The following ST8SIA1 variants were observed in gnomAD, a reference collection of about 807,000 sequenced individuals.
ST8SIA1 encodes alpha-N-acetylneuraminide alpha-2,8-sialyltransferase.
ST8SIA1 carries 16 observed loss-of-function variants against 35.9 expected under a neutral mutation model. The ratio of observed to expected loss-of-function variants is 0.45; its 90% CI spans 0.30 to 0.68. The LOEUF is 0.68. Ranked by LOEUF, ST8SIA1 falls within the 30% of genes least tolerant of loss-of-function variation. ST8SIA1 has a pLI of 0.09. For missense variants in ST8SIA1, 383 were observed against 453.6 expected (o/e 0.84, Z 1.41); for synonymous variants, 170 against 169.6 (o/e 1.00, Z -0.02).
At position 22,334,574 on chromosome 12, in the gene ST8SIA1, G is replaced by T. The variant is rs1340207254; in HGVS notation, c.-342C>A. ...GCTCCCGCCGGTTCTGCAGCATCAC[G>T]GTCGCCCTCGGCGAGGGTCCGGGAG... On this transcript the variant is annotated 5_prime_UTR_variant, in exon 1 of 5. Transcript: ENST00000396037. 8.6e-6 allele frequency: 3 copies of T among 349,688 alleles called. No individual in the cohort carries two copies. Among genetic ancestry groups the T allele is most frequent in the South Asian group, 3.4e-5 (1 of 29,248 alleles). 21.7% of individuals were successfully genotyped at this position (349,688 alleles called of 1,614,324 possible). A position where few individuals can be genotyped will look rare whatever the true frequency, so the allele number is the denominator to read the frequency against.
At chr12:22,262,457 G>A (rs1224014686) in intron 2 of ST8SIA1, among the ~76,000 whole-genome samples, 13 of 152,156 alleles carry the variant, frequency 8.5e-5, no homozygotes, top group Admixed American at 7.9e-4. Flanking sequence ...GAACAGCAGA[G>A]CCGGCACTGA....
intron 3 of ST8SIA1, among the ~76,000 whole-genome samples, chr12:22,249,922 G>A (rs772291196): frequency 1.3e-5 from 2 of 152,190 alleles, no homozygotes; most frequent in African/African-American, 4.8e-5. Context: ...TCAGGGCCAT[G>A]TACTATTCAC....
At position 22,309,013 on chromosome 12, in the gene ST8SIA1, T is replaced by C. The variant is rs989717740; in HGVS notation, c.237-21720A>G. Among the ~76,000 whole-genome samples the C allele has an allele frequency of 5.3e-4, 81 of 152,074 alleles. 1 individual carries two copies. Among genetic ancestry groups the C allele is most frequent in the Admixed American group, 2.3e-3 (35 of 15,260 alleles). ...TTCCTTATATCCATCCCAAGAAAAC[T>C]AATATCTCTAAAAGAGATACAAAAG... On this transcript the variant is annotated intron_variant, in intron 1 of 4. Coordinates refer to ENST00000396037, the MANE Select transcript of ST8SIA1 (RefSeq NM_003034.4).
intron 4 of ST8SIA1, among the ~76,000 whole-genome samples, chr12:22,219,746 C>G (rs1431725907): frequency 2.6e-5 from 4 of 151,426 alleles, no homozygotes; most frequent in African/African-American, 9.7e-5. Context: ...CTGGTATGTG[C>G]CTGCCATCTA....
chr12:22,210,988 T>C (rs1001362633), intron 4 of ST8SIA1, among the ~76,000 whole-genome samples: 4 of 152,240 alleles, frequency 2.6e-5, no homozygotes, highest in African/African-American at 7.2e-5. Context: ...CATTTTCTTT[T>C]TTCTGTCCAT....
At chr12:22,266,502 A>AAT (rs34168353) in intron 2 of ST8SIA1, among the ~76,000 whole-genome samples, 14,358 of 150,144 alleles carry the variant, frequency 0.096, 846 homozygotes, top group Middle Eastern at 0.21. Flanking sequence ...TTAAAAAAAA[A>AAT]ATATATATAT....
At chr12:22,311,513 G>A (rs1336346609) in intron 1 of ST8SIA1, among the ~76,000 whole-genome samples, 1 of 152,106 alleles carries the variant, frequency 6.6e-6, no homozygotes, top group Non-Finnish European at 1.5e-5. Context: ...GCAAAATGAG[G>A]AAAATATAGG....
rs573196047 is a variant in ST8SIA1, at chr12:22,217,317, G to A, written c.585-15279C>T. The stretch of plus-strand genomic sequence containing the variant: ...AAAAACAGATATTAATTTATTTTGA[G>A]ACATAATATTAAGTGAAGTATACTC... On this transcript the variant is annotated intron_variant, in intron 4 of 4. Coordinates refer to ENST00000396037, the MANE Select transcript of ST8SIA1 (RefSeq NM_003034.4). Among the ~76,000 whole-genome samples the A allele has an allele frequency of 6.6e-5, 10 of 152,132 alleles. No individual in the cohort carries two copies. The South Asian group carries it at 1.9e-3, about 28-fold the overall frequency.
At chr12:22,244,835 T>C (rs895094294) in intron 4 of ST8SIA1, among the ~76,000 whole-genome samples, 7 of 152,226 alleles carry the variant, frequency 4.6e-5, no homozygotes, top group Non-Finnish European at 1.0e-4. Flanking sequence ...TTTTCCCATG[T>C]GTAATCTAAT....
intron 2 of ST8SIA1, among the ~76,000 whole-genome samples, chr12:22,283,078 C>T (rs1195343342): frequency 6.6e-6 from 1 of 152,076 alleles, no homozygotes; most frequent in East Asian, 1.9e-4. Context: ...AGGCCAAGAA[C>T]GCTGCAGGTC....
Position 22,224,903 on chromosome 12 carries a change from G to A in ST8SIA1, c.585-22865C>T, listed in dbSNP as rs73266000. Among the ~76,000 whole-genome samples, 344 of 152,278 alleles carry A rather than the reference G, an allele frequency of 2.3e-3. 2 individuals carry two copies. Among genetic ancestry groups the A allele is most frequent in the African/African-American group, 7.3e-3 (304 of 41,560 alleles). ...GGATCTTTGTAGATATAATAGTTAA[G>A]TTAAAATGAGGCCACAGCACATTAG... On this transcript the variant is annotated intron_variant, in intron 4 of 4. Coordinates refer to ENST00000396037, the MANE Select transcript of ST8SIA1 (RefSeq NM_003034.4).
chr12:22,217,734 T>C (rs978785428), intron 4 of ST8SIA1, among the ~76,000 whole-genome samples: 2 of 152,208 alleles, frequency 1.3e-5, no homozygotes, highest in African/African-American at 4.8e-5. Flanking sequence ...TTCATCATCA[T>C]CATCACCACA....
At chr12:22,285,300 C>A (rs56335582) in intron 2 of ST8SIA1, among the ~76,000 whole-genome samples, 4,904 of 152,286 alleles carry the variant, frequency 0.032, 287 homozygotes, top group African/African-American at 0.11. Context: ...TGGGGCTTCC[C>A]AGTCCCTAGA....
chr12:22,237,211 G>A (rs1376435354), intron 4 of ST8SIA1, among the ~76,000 whole-genome samples: 3 of 152,114 alleles, frequency 2.0e-5, no homozygotes, highest in African/African-American at 7.2e-5. Context: ...TAATCCTCCT[G>A]TGTCAGCTTC....
rs6487294 is a variant in ST8SIA1 at position 22,195,566 on chromosome 12, A to T, written c.*5986T>A. On this transcript the variant is annotated 3_prime_UTR_variant, in exon 5 of 5. Coordinates refer to ENST00000396037, the MANE Select transcript of ST8SIA1 (RefSeq NM_003034.4). ...GCAGGGGCCAGCACATCAGGTGTGC[A>T]ATGGATAAGCTTCACCCAGAGAAAA... 1 of 151,986 alleles carries T rather than the reference A, an allele frequency of 6.6e-6. No individual in the cohort carries two copies. The highest frequency in any genetic ancestry group is 1.5e-5 in the Non-Finnish European group (1 of 68,010). 9.4% of individuals were successfully genotyped at this position (151,986 alleles called of 1,614,324 possible).
chr12:22,241,244 T>C (rs922101716), intron 4 of ST8SIA1, among the ~76,000 whole-genome samples: 1 of 152,212 alleles, frequency 6.6e-6, no homozygotes, highest in Non-Finnish European at 1.5e-5. Context: ...CCAAATCTCA[T>C]ATTGAATTGT....
chr12:22,218,700 G>T (rs914505548), intron 4 of ST8SIA1, among the ~76,000 whole-genome samples: 2 of 151,394 alleles, frequency 1.3e-5, no homozygotes, highest in Admixed American at 6.6e-5. Context: ...GGCCAAGGCA[G>T]GAGAATCTAC....
intron 4 of ST8SIA1, among the ~76,000 whole-genome samples, chr12:22,231,282 A>T (rs905585652): frequency 6.6e-6 from 1 of 151,592 alleles, no homozygotes; most frequent in African/African-American, 2.4e-5. Flanking sequence ...TGCTGACTTG[A>T]CATTCCAACT....
At chr12:22,309,931 G>A (rs2135831775) in intron 1 of ST8SIA1, among the ~76,000 whole-genome samples, 1 of 152,122 alleles carries the variant, frequency 6.6e-6, no homozygotes, top group East Asian at 1.9e-4. Flanking sequence ...TATGAATTAG[G>A]TACTTTTATT....
Sources: gnomAD v4.1 joint callset for allele counts (sites outside exome capture counted in the v4.1 genomes callset) on GRCh38, gnomAD v4.1.1 for gene constraint, MANE v1.5 for transcripts, NCBI Gene and HGNC (gene_info 2026-07-23, HGNC 2026-07-21) for gene names.